ATP13A3: variants seen among roughly 807,000 people sequenced by gnomAD.
The protein encoded by ATP13A3 is polyamine-transporting ATPase 13A3.
Under a neutral mutation model 158.1 loss-of-function variants are expected in ATP13A3, and 59 were observed. The observed-to-expected ratio is 0.37, with a 90% confidence interval of 0.30 to 0.46. ATP13A3 has a LOEUF of 0.46. Ranked by LOEUF, ATP13A3 falls within the 20% of genes least tolerant of loss-of-function variation. ATP13A3 has a pLI of 1.00. For missense variants in ATP13A3, 1,166 were observed against 1,525.2 expected, an observed-to-expected ratio of 0.76 and a Z score of 3.92; for synonymous variants, 491 against 504.3, an observed-to-expected ratio of 0.97 and a Z score of 0.35.
Position 194,437,087 on chromosome 3 carries a change from A to C in ATP13A3, c.2120+8T>G. ...GACTGGGAAACTAGGAAAGCCGTTC[A>C]ACCTCACCTGCTAATATTCTGTACT... On this transcript the variant is annotated splice_region_variant and intron_variant, in intron 20 of 33. Coordinates refer to ENST00000645319, the MANE Select transcript of ATP13A3 (RefSeq NM_001367549.1). 6.2e-7 allele frequency: 1 copy of C among 1,612,828 alleles called. No homozygotes were observed.
chr3:194,472,278 A>C (rs77169273), intron 2 of ATP13A3, among the ~76,000 whole-genome samples: 93 of 152,280 alleles, frequency 6.1e-4, no homozygotes, highest in African/African-American at 2.0e-3. Flanking sequence ...GCCAAAAAAA[A>C]AACACAGTCA....
chr3:194,411,540 T>C (rs1033254757), intron 33 of ATP13A3, among the ~76,000 whole-genome samples: 2 of 152,184 alleles, frequency 1.3e-5, no homozygotes, highest in Admixed American at 6.5e-5. Context: ...ATGGGTTTTA[T>C]TCCTCTGTTT....
chr3:194,431,974 T>C (rs1249366914), intron 21 of ATP13A3, 82 bp from the exon 22 acceptor site: 3 of 1,163,976 alleles, frequency 2.6e-6, no homozygotes, highest in East Asian at 5.8e-5. Context: ...GAGAATCTAC[T>C]ACAGTCTCCA....
chr3:194,440,283 C>T (rs1402444994), intron 16 of ATP13A3, among the ~76,000 whole-genome samples: 2 of 152,048 alleles, frequency 1.3e-5, no homozygotes, highest in African/African-American at 4.8e-5. Context: ...CTAAAGAAAG[C>T]CAAACAAAAA....
intron 33 of ATP13A3, among the ~76,000 whole-genome samples, chr3:194,406,989 T>C (rs907892879): frequency 1.3e-5 from 2 of 152,218 alleles, no homozygotes; most frequent in Non-Finnish European, 2.9e-5. Context: ...TGATCAATCC[T>C]GATGTTTTTA....
intron 33 of ATP13A3, 30 bp downstream of exon 33, chr3:194,412,169 A>G: frequency 6.6e-7 from 1 of 1,509,098 alleles, no homozygotes; most frequent in Non-Finnish European, 8.9e-7. Context: ...GAGAGGCAGC[A>G]AGAATTGACA....
intron 16 of ATP13A3, among the ~76,000 whole-genome samples, chr3:194,440,933 T>TA (rs1718009046): frequency 6.6e-6 from 1 of 151,842 alleles, no homozygotes; most frequent in Non-Finnish European, 1.5e-5. Context: ...AAAAGACAGG[T>TA]AAAAAAGAGC....
At chr3:194,464,559 T>G (rs75949540) in intron 2 of ATP13A3, among the ~76,000 whole-genome samples, 9,924 of 152,260 alleles carry the variant, frequency 0.065, 878 homozygotes, top group African/African-American at 0.2. Flanking sequence ...CCTCTTTCCC[T>G]GTAGAGAAGA....
chr3:194,489,611 C>A (rs774109385), upstream of ATP13A3, among the ~76,000 whole-genome samples: 14 of 152,184 alleles, frequency 9.2e-5, no homozygotes, highest in Non-Finnish European at 2.1e-4. The surrounding 1 kb of genome is among the most constrained non-coding windows in gnomAD (Gnocchi z 4.1). Flanking sequence ...CAGCATGAAC[C>A]TGTCAACGCG....
At position 194,410,909 on chromosome 3, in the gene ATP13A3, T is replaced by C. The variant is rs964445253; in HGVS notation, c.3573+1290A>G. Among the ~76,000 whole-genome samples the C allele has an allele frequency of 1.7e-4, 19 of 110,708 alleles. 2 individuals are homozygous for C. The East Asian group carries it at 2.5e-3, about 14-fold the overall frequency. The allele number at this position is 110,708 out of a possible 152,430, so 72.6% of individuals were successfully genotyped here. ...AGTAATGCAGTGAGGTAACTATATA[T>C]ATGGGGGTGGGAGGGTTGGGGTGTT... On this transcript the variant is annotated intron_variant, in intron 33 of 33. Transcript: ENST00000645319.
intron 30 of ATP13A3, among the ~76,000 whole-genome samples, chr3:194,420,575 T>C (rs1364925251): frequency 6.6e-6 from 1 of 152,152 alleles, no homozygotes; most frequent in East Asian, 1.9e-4. Flanking sequence ...GAGACTGAGT[T>C]GATCTACTAT....
At chr3:194,419,703 TA>T (rs1577032720) in intron 31 of ATP13A3, 175 bp downstream of exon 31, 1 of 842,292 alleles carries the variant, frequency 1.2e-6, no homozygotes, top group East Asian at 1.2e-4. Context: ...AAGCAGAGAT[TA>T]AACAGGTATA....
At chr3:194,442,199 G>C (rs749748689) in intron 15 of ATP13A3, among the ~76,000 whole-genome samples, 1 of 152,162 alleles carries the variant, frequency 6.6e-6, no homozygotes, top group Non-Finnish European at 1.5e-5. Flanking sequence ...TTCTCCAGAG[G>C]GGAGCTCAAA....
intron 5 of ATP13A3, 75 bp downstream of exon 5, chr3:194,459,714 T>G: frequency 6.8e-7 from 1 of 1,463,614 alleles, no homozygotes; most frequent in South Asian, 1.4e-5. Flanking sequence ...AACACAAAAT[T>G]ATAGAATATA....
At chr3:194,411,415 T>A (rs112353360) in intron 33 of ATP13A3, among the ~76,000 whole-genome samples, 63 of 152,254 alleles carry the variant, frequency 4.1e-4, no homozygotes, top group African/African-American at 1.5e-3. Flanking sequence ...TTTTATCAAA[T>A]TCTCTATGCC....
chr3:194,432,265 G>A lies in ATP13A3; in HGVS notation c.2246-373C>T, dbSNP rs79688511. ...AACTTTACAAAGTGACTAGTGGTCTGTGCAAGAACACCAGCACCATATCAT... is the reference window on the plus strand; with the variant it reads ...AACTTTACAAAGTGACTAGTGGTCTATGCAAGAACACCAGCACCATATCAT... On this transcript the variant is annotated intron_variant, in intron 21 of 33. Coordinates refer to ENST00000645319, the MANE Select transcript of ATP13A3 (RefSeq NM_001367549.1). Among the ~76,000 whole-genome samples, 42 of 152,314 alleles carry A rather than the reference G, an allele frequency of 2.8e-4. No homozygotes were observed. The East Asian group carries it at 5.0e-3, about 18-fold the overall frequency.
rs150896031 is a variant in ATP13A3 at position 194,430,332 on chromosome 3, T to C, written c.2625-17A>G. 2,890 of 1,609,980 alleles carry C rather than the reference T, an allele frequency of 1.8e-3. 4 individuals are homozygous for C. Among genetic ancestry groups the C allele is most frequent in the Middle Eastern group, 5.8e-3 (35 of 6,032 alleles). On this transcript the variant is annotated splice_polypyrimidine_tract_variant and intron_variant, in intron 24 of 33. Coordinates refer to ENST00000645319, the MANE Select transcript of ATP13A3 (RefSeq NM_001367549.1). ...ACAAAATAACTAAGAAACAAAACAATGTTAAGATTTTAATTAATTTCTTAA... is the reference window on the plus strand; with the variant it reads ...ACAAAATAACTAAGAAACAAAACAACGTTAAGATTTTAATTAATTTCTTAA...
At chr3:194,418,668 A>G (rs1029415593) in intron 31 of ATP13A3, among the ~76,000 whole-genome samples, 3 of 152,234 alleles carry the variant, frequency 2.0e-5, no homozygotes, top group African/African-American at 7.2e-5. Context: ...ATGATGTGAA[A>G]CAACAGGATG....
intron 10 of ATP13A3, 56 bp downstream of exon 10, chr3:194,453,650 C>T: frequency 7.2e-7 from 1 of 1,397,042 alleles, no homozygotes; most frequent in Non-Finnish European, 1.0e-6. Context: ...TTACTTCACA[C>T]ATTATGCCTA....
Sources: allele counts gnomAD v4.1 joint callset (sites outside exome capture counted in the v4.1 genomes callset), GRCh38; gene constraint gnomAD v4.1.1; non-coding constraint Gnocchi (gnomAD v3.1); transcripts MANE v1.5; gene names NCBI Gene and HGNC (gene_info 2026-07-23, HGNC 2026-07-21).